Variants in ST6GALNAC3 observed in about 807,000 individuals in gnomAD.
The protein encoded by ST6GALNAC3 is ST6 N-acetylgalactosaminide alpha-2,6-sialyltransferase 3.
Under a neutral mutation model 32.7 loss-of-function variants are expected in ST6GALNAC3, and 25 were observed. The ratio of observed to expected loss-of-function variants is 0.76; its 90% CI spans 0.56 to 1.07. The LOEUF is 1.07. Among genes scored for constraint, ST6GALNAC3 ranks in the 50% least tolerant of loss-of-function variants. The pLI is 0.00. For missense variants in ST6GALNAC3, 355 were observed against 382.4 expected, an observed-to-expected ratio of 0.93 and a Z score of 0.60; for synonymous variants, 129 against 133.1, an observed-to-expected ratio of 0.97 and a Z score of 0.21.
At chr1:76,263,832 T>C (rs532296) in intron 1 of ST6GALNAC3, among the ~76,000 whole-genome samples, 137,974 of 152,166 alleles carry the variant, frequency 0.91, 64,056 homozygotes, top group East Asian at 1. Flanking sequence ...GAAGTGCTTT[T>C]TTTTTTTTAA....
At position 76,543,685 on chromosome 1, in the gene ST6GALNAC3, A is replaced by T. The variant is rs180754226; in HGVS notation, c.624-83767A>T. ...CTCAGAGAGCAGAGAACTCGCCCAC[A>T]TTAGCTGATCTACTGGCACCTCCCA... is the stretch of plus-strand genomic sequence containing the variant. On this transcript the variant is annotated intron_variant, in intron 3 of 4. Coordinates refer to ENST00000328299, the MANE Select transcript of ST6GALNAC3 (RefSeq NM_152996.4). Among the ~76,000 whole-genome samples, 5 of 152,260 alleles carry T rather than the reference A, an allele frequency of 3.3e-5. No homozygotes were observed. The East Asian group carries it at 7.7e-4, about 24-fold the overall frequency.
intron 1 of ST6GALNAC3, among the ~76,000 whole-genome samples, chr1:76,180,886 G>A (rs1653135649): frequency 6.6e-6 from 1 of 152,332 alleles, no homozygotes; most frequent in African/African-American, 2.4e-5. Context: ...GGTTCTTCCA[G>A]GATGCTGGAC....
At chr1:76,118,862 G>A (rs530904882) in intron 1 of ST6GALNAC3, among the ~76,000 whole-genome samples, 22 of 152,066 alleles carry the variant, frequency 1.4e-4, no homozygotes, top group Non-Finnish European at 2.8e-4. Flanking sequence ...TCACTCTGTC[G>A]CCCAGGCCGG....
At chr1:76,096,399 T>C (rs1433316194) in intron 1 of ST6GALNAC3, among the ~76,000 whole-genome samples, 1 of 152,138 alleles carries the variant, frequency 6.6e-6, no homozygotes, top group Admixed American at 6.5e-5. Flanking sequence ...CTTTGAAGGA[T>C]TGGAAGTCTC....
chr1:76,426,914 T>C (rs138552837), intron 3 of ST6GALNAC3, among the ~76,000 whole-genome samples: 5 of 152,022 alleles, frequency 3.3e-5, no homozygotes, highest in African/African-American at 1.2e-4. Context: ...GTGTGGCACA[T>C]GATTGTTTAA....
At chr1:76,572,298 G>C (rs4568877) in intron 3 of ST6GALNAC3, among the ~76,000 whole-genome samples, 2 of 151,934 alleles carry the variant, frequency 1.3e-5, no homozygotes, top group Non-Finnish European at 2.9e-5. Flanking sequence ...AGTTAACTTA[G>C]GCAAATGAAG....
chr1:76,556,595 A>G (rs1377199727), intron 3 of ST6GALNAC3, among the ~76,000 whole-genome samples: 1 of 152,074 alleles, frequency 6.6e-6, no homozygotes, highest in African/African-American at 2.4e-5. Context: ...ATACCTCATT[A>G]TGGCTTTGGT....
chr1:76,314,127 A>G (rs1646822647), intron 2 of ST6GALNAC3, 128 bp downstream of exon 2: 1 of 753,082 alleles, frequency 1.3e-6, no homozygotes, highest in African/African-American at 1.8e-5. Context: ...TGGGTCCCTG[A>G]CAACATCTTC....
chr1:76,084,603 G>T, intron 1 of ST6GALNAC3, among the ~76,000 whole-genome samples: 1 of 152,172 alleles, frequency 6.6e-6, no homozygotes, highest in East Asian at 1.9e-4. Flanking sequence ...CAAGGTGATT[G>T]CAGTTTCTTT....
intron 1 of ST6GALNAC3, among the ~76,000 whole-genome samples, chr1:76,184,083 A>G (rs971146969): frequency 4.6e-5 from 7 of 151,930 alleles, no homozygotes; most frequent in Non-Finnish European, 8.8e-5. Context: ...CTTATAGATT[A>G]TTTCATAATT....
At chr1:76,433,589 A>T (rs1274891618) in intron 3 of ST6GALNAC3, among the ~76,000 whole-genome samples, 3 of 152,216 alleles carry the variant, frequency 2.0e-5, no homozygotes, top group African/African-American at 7.2e-5. Flanking sequence ...CTAGCTCTCC[A>T]TGAAACCTTT....
chr1:76,112,183 A>T (rs1306847764), intron 1 of ST6GALNAC3, among the ~76,000 whole-genome samples: 1 of 129,564 alleles, frequency 7.7e-6, no homozygotes, highest in African/African-American at 3.0e-5. Flanking sequence ...TCTTCCCAGT[A>T]GGGGCGGCCG....
intron 3 of ST6GALNAC3, among the ~76,000 whole-genome samples, chr1:76,489,483 C>A (rs1028462932): frequency 3.9e-5 from 6 of 152,032 alleles, no homozygotes; most frequent in African/African-American, 1.4e-4. Context: ...TCTCTCTCTT[C>A]CCCTCTTTCT....
chr1:76,434,192 G>T (rs1196111544), intron 3 of ST6GALNAC3, among the ~76,000 whole-genome samples: 1 of 152,182 alleles, frequency 6.6e-6, no homozygotes, highest in African/African-American at 2.4e-5. Context: ...TTCTAAGGTG[G>T]CAGGAATCAA....
intron 3 of ST6GALNAC3, among the ~76,000 whole-genome samples, chr1:76,530,239 C>T (rs1047255572): frequency 4.6e-5 from 7 of 152,158 alleles, no homozygotes; most frequent in Non-Finnish European, 1.0e-4. Flanking sequence ...CTAACCACTA[C>T]CTTTTATCCC....
At chr1:76,455,069 C>G (rs1470543855) in intron 3 of ST6GALNAC3, among the ~76,000 whole-genome samples, 1 of 151,872 alleles carries the variant, frequency 6.6e-6, no homozygotes, top group Admixed American at 6.6e-5. Context: ...AATATATCTT[C>G]CAATTATTTG....
rs1298733149 is a variant in ST6GALNAC3 at position 76,138,041 on chromosome 1, A to G, written c.18+63157A>G. Among the ~76,000 whole-genome samples the G allele has an allele frequency of 3.9e-5, 6 of 152,158 alleles. No individual in the cohort carries two copies. The East Asian group carries it at 1.2e-3, about 29-fold the overall frequency. ...CAGCCACACATTAATTAGTACTTAT[A>G]TTTTCTTAAATGTACACTGTGCATC... On this transcript the variant is annotated intron_variant, in intron 1 of 4. Coordinates refer to ENST00000328299, the MANE Select transcript of ST6GALNAC3 (RefSeq NM_152996.4).
intron 1 of ST6GALNAC3, among the ~76,000 whole-genome samples, chr1:76,244,598 T>C (rs1448612580): frequency 6.6e-6 from 1 of 152,190 alleles, no homozygotes; most frequent in Non-Finnish European, 1.5e-5. Context: ...TATAAATAGC[T>C]TTTATTGAGA....
chr1:76,294,371 A>G (rs1051663816), intron 1 of ST6GALNAC3, among the ~76,000 whole-genome samples: 3 of 151,992 alleles, frequency 2.0e-5, no homozygotes, highest in African/African-American at 7.3e-5. Flanking sequence ...TAAAAAAAAA[A>G]CCTTTGAAAT....
Sources: gnomAD v4.1 joint callset for allele counts (sites outside exome capture counted in the v4.1 genomes callset) on GRCh38, gnomAD v4.1.1 for gene constraint, MANE v1.5 for transcripts, NCBI Gene and HGNC (gene_info 2026-07-23, HGNC 2026-07-21) for gene names.